The following ADGRL3 variants were observed in gnomAD, a reference collection of about 807,000 sequenced individuals.
The protein encoded by ADGRL3 is adhesion G protein-coupled receptor L3.
ADGRL3 carries 62 observed loss-of-function variants against 153.5 expected under a neutral mutation model. The observed-to-expected ratio is 0.40, with a 90% CI of 0.33 to 0.50. The LOEUF (loss-of-function observed/expected upper bound fraction) is 0.50, where lower values mean the gene tolerates loss of function less well. Ranked by LOEUF, ADGRL3 falls within the 20% of genes least tolerant of loss-of-function variation. ADGRL3 has a pLI of 0.47. For synonymous variants in ADGRL3, 710 were observed against 672.5 expected (o/e 1.06, Z -0.86); for missense variants, 1,641 against 1,859.4 (o/e 0.88, Z 2.16).
chr4:61,560,292 G>A (rs1433272819), intron 4 of ADGRL3, among the ~76,000 whole-genome samples: 1 of 152,054 alleles, frequency 6.6e-6, no homozygotes, highest in Non-Finnish European at 1.5e-5. Flanking sequence ...ATAAGATAAT[G>A]CATGTTGAGT....
chr4:61,301,861 G>T (rs1309805246), intron 1 of ADGRL3, among the ~76,000 whole-genome samples: 1 of 152,074 alleles, frequency 6.6e-6, no homozygotes, highest in Non-Finnish European at 1.5e-5. Flanking sequence ...TTTCAGTGGT[G>T]AATTTTAGTG....
At chr4:61,585,865 G>A (rs1429970259) in intron 4 of ADGRL3, among the ~76,000 whole-genome samples, 7 of 151,824 alleles carry the variant, frequency 4.6e-5, no homozygotes, top group South Asian at 4.2e-4. Flanking sequence ...AAACTTAAAC[G>A]TCAAGCTAGA....
At chr4:61,771,775 A>AATCAAT (rs1318440847) in intron 8 of ADGRL3, among the ~76,000 whole-genome samples, 5 of 98,586 alleles carry the variant, frequency 5.1e-5, no homozygotes, top group African/African-American at 3.3e-4. Flanking sequence ...TCAAAATCAA[A>AATCAAT]ATCAATAAGC....
intron 1 of ADGRL3, among the ~76,000 whole-genome samples, chr4:61,214,912 T>C (rs1741915340): frequency 6.6e-6 from 1 of 152,138 alleles, no homozygotes; most frequent in Non-Finnish European, 1.5e-5. Context: ...CACTCCAGCC[T>C]GGGCTACAGA....
intron 1 of ADGRL3, among the ~76,000 whole-genome samples, chr4:61,203,046 A>G (rs917944348): frequency 6.6e-6 from 1 of 152,160 alleles, no homozygotes; most frequent in East Asian, 1.9e-4. Context: ...GCTCGGCGAC[A>G]TGCGTGCGGC....
At chr4:62,033,674 A>C (rs1171767071) in intron 23 of ADGRL3, among the ~76,000 whole-genome samples, 1 of 151,810 alleles carries the variant, frequency 6.6e-6, no homozygotes, top group Non-Finnish European at 1.5e-5. Context: ...GCATTTGCCC[A>C]TGATAAAAAG....
chr4:61,627,511 C>T (rs922029911), intron 5 of ADGRL3, among the ~76,000 whole-genome samples: 2 of 152,086 alleles, frequency 1.3e-5, no homozygotes, highest in Non-Finnish European at 2.9e-5. Context: ...ATCCCAGCTA[C>T]TCGGGAGGCT....
chr4:61,350,865 A>G (rs953079634), intron 1 of ADGRL3, among the ~76,000 whole-genome samples: 29 of 152,096 alleles, frequency 1.9e-4, no homozygotes, highest in African/African-American at 7.0e-4. Flanking sequence ...CCTGAAACAC[A>G]ACAATTTTTA....
At chr4:61,954,433 C>G (rs1332306845) in intron 17 of ADGRL3, among the ~76,000 whole-genome samples, 1 of 151,940 alleles carries the variant, frequency 6.6e-6, no homozygotes, top group African/African-American at 2.4e-5. Context: ...ACATAGTTGC[C>G]AGAGGGATAC....
intron 4 of ADGRL3, among the ~76,000 whole-genome samples, chr4:61,539,494 T>C (rs1325971970): frequency 6.6e-6 from 1 of 152,208 alleles, no homozygotes; most frequent in Non-Finnish European, 1.5e-5. Context: ...GCTAGTCCTC[T>C]ACAGTTGCAA....
At chr4:61,742,269 C>G (rs903247640) in intron 8 of ADGRL3, among the ~76,000 whole-genome samples, 1 of 151,706 alleles carries the variant, frequency 6.6e-6, no homozygotes, top group Non-Finnish European at 1.5e-5. Context: ...TATTCTTACT[C>G]TTCTTCTTCT....
intron 17 of ADGRL3, among the ~76,000 whole-genome samples, chr4:61,958,112 T>C (rs2098974279): frequency 6.6e-6 from 1 of 152,182 alleles, no homozygotes; most frequent in Non-Finnish European, 1.5e-5. Context: ...TCAATTTATA[T>C]TATAATCATC....
intron 2 of ADGRL3, among the ~76,000 whole-genome samples, chr4:61,453,611 A>G (rs547041315): frequency 6.6e-6 from 1 of 152,206 alleles, no homozygotes; most frequent in South Asian, 2.1e-4. Flanking sequence ...CCTTATCTAC[A>G]TTGCCTCTAA....
At chr4:61,833,219 A>T (rs990640) in intron 9 of ADGRL3, among the ~76,000 whole-genome samples, 47,418 of 151,984 alleles carry the variant, frequency 0.31, 9,058 homozygotes, top group East Asian at 0.61. Context: ...ATATAAAATA[A>T]GGAGCATAGT....
intron 13 of ADGRL3, among the ~76,000 whole-genome samples, chr4:61,915,597 TA>T (rs1340790128): frequency 6.6e-6 from 1 of 152,106 alleles, no homozygotes; most frequent in African/African-American, 2.4e-5. Flanking sequence ...ATTGACTGAC[TA>T]TGAATAAATG....
intron 1 of ADGRL3, among the ~76,000 whole-genome samples, chr4:61,217,087 C>T (rs1297521199): frequency 6.6e-6 from 1 of 152,164 alleles, no homozygotes; most frequent in East Asian, 1.9e-4. Context: ...TAGATGTCTG[C>T]AGGGTGCAGG....
intron 25 of ADGRL3, among the ~76,000 whole-genome samples, chr4:62,062,855 A>C (rs964407983): frequency 2.0e-5 from 3 of 152,054 alleles, no homozygotes; most frequent in African/African-American, 7.2e-5. Flanking sequence ...TAGCATCTAT[A>C]TGTTTTTTAT....
At chr4:61,454,306 G>C (rs367881721) in intron 2 of ADGRL3, among the ~76,000 whole-genome samples, 2 of 151,966 alleles carry the variant, frequency 1.3e-5, no homozygotes, top group African/African-American at 4.8e-5. Context: ...AAGAAATATA[G>C]GTGCATTTTG....
At chr4:61,334,395 G>A (rs1341743917) in intron 1 of ADGRL3, among the ~76,000 whole-genome samples, 1 of 152,156 alleles carries the variant, frequency 6.6e-6, no homozygotes, top group African/African-American at 2.4e-5. Flanking sequence ...ATTCAGTGCG[G>A]TGGAGAGATA....
Sources: allele counts gnomAD v4.1 joint callset (sites outside exome capture counted in the v4.1 genomes callset), GRCh38; gene constraint gnomAD v4.1.1; transcripts MANE v1.5; gene names NCBI Gene and HGNC (gene_info 2026-07-23, HGNC 2026-07-21).